The following ORC3 variants were observed in gnomAD, a reference collection of about 807,000 sequenced individuals.
The protein encoded by ORC3 is origin recognition complex subunit 3.
Under a neutral mutation model 100.7 loss-of-function variants are expected in ORC3, and 78 were observed. The observed-to-expected ratio is 0.77, with a 90% confidence interval of 0.65 to 0.94. ORC3 has a LOEUF of 0.94. Among genes scored for constraint, ORC3 ranks in the 40% least tolerant of loss-of-function variants. The probability of loss-of-function intolerance (pLI) is 0.00; values close to 1 mark genes in which losing one functional copy is unlikely to be tolerated. For synonymous variants in ORC3, 295 were observed against 289.3 expected (o/e 1.02, Z -0.20); for missense variants, 789 against 823.9 (o/e 0.96, Z 0.52).
chr6:87,612,119 C>T lies in ORC3; in HGVS notation c.744C>T (p.Leu248=). The change falls in exon 8 of 20, where the codon CTC becomes CTT. Residue 248 remains leucine (L), a synonymous_variant. Transcript: ENST00000392844. ...ATCTCCATGAATTTCCACTAATACT[C>T]ATTTTTGGAATAGCCACATCTCCTA... ...SQHLHEFPLI[L]IFGIATSPII... is the part of the protein sequence containing the mutation. The T allele has an allele frequency of 6.2e-7, 1 of 1,612,418 alleles. No homozygotes were observed.
In ORC3 at chr6:87,626,940, T is replaced by C. The variant is rs190990562; in HGVS notation, c.1185+4927T>C. ...GAAAATAATAACTTGTTATATATTT[T>C]TCACTCATAAAAATTAAGATCAATA... On this transcript the variant is annotated intron_variant, in intron 11 of 19. Coordinates refer to ENST00000392844, the MANE Select transcript of ORC3 (RefSeq NM_012381.4). Among the ~76,000 whole-genome samples the C allele has an allele frequency of 3.3e-3, 495 of 152,218 alleles. 2 individuals are homozygous for C. The highest frequency in any genetic ancestry group is 0.011 in the African/African-American group (471 of 41,556).
intron 11 of ORC3, among the ~76,000 whole-genome samples, chr6:87,626,436 C>T (rs1779904026): frequency 6.6e-6 from 1 of 152,052 alleles, no homozygotes; most frequent in Admixed American, 6.6e-5. Flanking sequence ...GTATTTTATT[C>T]TCTTTGTAGT....
At position 87,667,010 on chromosome 6, in the gene ORC3, G is replaced by A; in HGVS notation, c.2031-8G>A. 1 of 1,567,404 alleles carries A rather than the reference G, an allele frequency of 6.4e-7. No homozygotes were observed. Among genetic ancestry groups the A allele is most frequent in the Non-Finnish European group, 8.7e-7 (1 of 1,153,924 alleles). The stretch of plus-strand genomic sequence containing the variant: ...AGCACGGCCAGTTTCCTTAATTAAA[G>A]CCTCCAGTGCTCGGTTTATTAGAGC... On this transcript the variant is annotated splice_region_variant and splice_polypyrimidine_tract_variant and intron_variant, in intron 19 of 19. Coordinates refer to ENST00000392844, the MANE Select transcript of ORC3 (RefSeq NM_012381.4).
chr6:87,620,705 A>G (rs1779472558), intron 9 of ORC3, among the ~76,000 whole-genome samples: 1 of 152,194 alleles, frequency 6.6e-6, no homozygotes, highest in Non-Finnish European at 1.5e-5. Context: ...ACTCAAGACT[A>G]TCCAAATGTA....
intron 7 of ORC3, among the ~76,000 whole-genome samples, chr6:87,610,934 CTTTTTTTTTTT>C (rs67349945): frequency 3.7e-5 from 4 of 106,788 alleles, no homozygotes; most frequent in Admixed American, 1.2e-4. Flanking sequence ...TAGGACTTTT[CTTTTTTTTTTT>C]TTTTTTTTTG....
the ORC3 span, among the ~76,000 whole-genome samples, chr6:87,672,668 G>T: frequency 1.3e-5 from 2 of 152,184 alleles, no homozygotes; most frequent in Non-Finnish European, 2.9e-5. Flanking sequence ...GATTCCAAAA[G>T]TTCTCCCCTC....
chr6:87,627,062 A>G (rs180989556), intron 11 of ORC3, among the ~76,000 whole-genome samples: 107 of 151,850 alleles, frequency 7.0e-4, no homozygotes, highest in African/African-American at 2.5e-3. Flanking sequence ...TAATGGCGTT[A>G]TCTCGGCTCA....
Position 87,616,678 on chromosome 6 carries a change from G to A in ORC3, c.987+251G>A, listed in dbSNP as rs116804988. 2.5e-3 allele frequency among the ~76,000 whole-genome samples: 375 copies of A among 152,258 alleles called. 3 individuals carry two copies. The highest frequency in any genetic ancestry group is 8.1e-3 in the African/African-American group (338 of 41,546). ...ATTCTTAACCATTTTGGGGGTAGGG[G>A]CAAGCAGACTTTTTTGGTTTGTTTC... is the stretch of plus-strand genomic sequence containing the variant. On this transcript the variant is annotated intron_variant, in intron 9 of 19. Coordinates refer to ENST00000392844, the MANE Select transcript of ORC3 (RefSeq NM_012381.4).
chr6:87,649,119 T>TA (rs1351751557), intron 13 of ORC3, among the ~76,000 whole-genome samples: 5 of 152,214 alleles, frequency 3.3e-5, no homozygotes, highest in Admixed American at 3.3e-4. Flanking sequence ...AGACCGTACT[T>TA]ACATTTTTAT....
chr6:87,640,644 T>C (rs1164087778), intron 13 of ORC3, among the ~76,000 whole-genome samples: 1 of 152,234 alleles, frequency 6.6e-6, no homozygotes, highest in Non-Finnish European at 1.5e-5. Flanking sequence ...TAAGTACAAC[T>C]GTTTTTCCTT....
intron 11 of ORC3, among the ~76,000 whole-genome samples, chr6:87,624,756 C>T (rs797013944): frequency 6.6e-6 from 1 of 152,032 alleles, no homozygotes; most frequent in South Asian, 2.1e-4. Flanking sequence ...AGGTTTGTTA[C>T]GTGGGTATAT....
At chr6:87,605,798 T>G in intron 4 of ORC3, 119 bp from the exon 5 acceptor site, 1 of 599,664 alleles carries the variant, frequency 1.7e-6, no homozygotes, top group Non-Finnish European at 3.0e-6. Context: ...TTTCCTTGGT[T>G]TCTGTTATTA....
At chr6:87,646,039 T>C (rs1003671661) in intron 13 of ORC3, among the ~76,000 whole-genome samples, 1 of 147,346 alleles carries the variant, frequency 6.8e-6, no homozygotes, top group Non-Finnish European at 1.5e-5. Context: ...CAGGCTGGAG[T>C]GCAGTGGCAT....
At position 87,660,033 on chromosome 6, in the gene ORC3, T is replaced by C. The variant is rs542529431; in HGVS notation, c.1691+2015T>C. On this transcript the variant is annotated intron_variant, in intron 16 of 19. Transcript: ENST00000392844. ...TTGACTCTTCCCTTTTACCAGGCAG[T>C]GAACATGGTAGTCACTAAAAATAAT... is the stretch of plus-strand genomic sequence containing the variant. 1.7e-3 allele frequency among the ~76,000 whole-genome samples: 264 copies of C among 152,324 alleles called. 1 individual carries two copies. Among genetic ancestry groups the C allele is most frequent in the Non-Finnish European group, 2.4e-3 (162 of 68,030 alleles).
intron 8 of ORC3, among the ~76,000 whole-genome samples, chr6:87,612,672 C>A (rs1005130199): frequency 6.6e-6 from 1 of 152,194 alleles, no homozygotes; most frequent in South Asian, 2.1e-4. Flanking sequence ...AGTGCAGTGA[C>A]GAAATCTTGG....
At chr6:87,663,379 C>T (rs1265201096) in intron 17 of ORC3, among the ~76,000 whole-genome samples, 1 of 152,158 alleles carries the variant, frequency 6.6e-6, no homozygotes, top group Non-Finnish European at 1.5e-5. Context: ...GTAATCTTTG[C>T]CCTTCACATG....
Position 87,601,340 on chromosome 6 carries a change from T to G in ORC3, c.80-444T>G, listed in dbSNP as rs1777879663. On this transcript the variant is annotated intron_variant, in intron 2 of 19. Transcript: ENST00000392844. ...AAAATGAAATACAGAGGATATTGAATGTTACCTGTCCCCAAATATATGTTT... is the reference window on the plus strand; with the variant it reads ...AAAATGAAATACAGAGGATATTGAAGGTTACCTGTCCCCAAATATATGTTT... 2.0e-5 allele frequency among the ~76,000 whole-genome samples: 3 copies of G among 152,144 alleles called. No homozygotes were observed. The South Asian group carries it at 6.2e-4, about 32-fold the overall frequency.
intron 14 of ORC3, among the ~76,000 whole-genome samples, chr6:87,655,700 C>T (rs771121362): frequency 2.0e-5 from 3 of 151,010 alleles, no homozygotes; most frequent in Non-Finnish European, 4.4e-5. Flanking sequence ...CAGTGTCTCA[C>T]TATGTTTCCC....
intron 16 of ORC3, 74 bp downstream of exon 16, chr6:87,658,092 T>C (rs1769864158): frequency 1.3e-6 from 1 of 761,480 alleles, no homozygotes; most frequent in African/African-American, 1.7e-5. Flanking sequence ...CATAGCTGTC[T>C]ATAGCCAATC....
Sources: allele counts gnomAD v4.1 joint callset (sites outside exome capture counted in the v4.1 genomes callset), GRCh38; gene constraint gnomAD v4.1.1; transcripts MANE v1.5; gene names NCBI Gene and HGNC (gene_info 2026-07-23, HGNC 2026-07-21).